EIF4ENIF1: variants seen among roughly 807,000 people sequenced by gnomAD.
EIF4ENIF1 encodes the protein eukaryotic translation initiation factor 4E nuclear import factor 1, also known as eukaryotic translation initiation factor 4E transporter.
Under a neutral mutation model 110.5 loss-of-function variants are expected in EIF4ENIF1, and 23 were observed. That is an observed-to-expected ratio of 0.21 (90% CI 0.15 to 0.29). EIF4ENIF1 has a LOEUF of 0.29. Among genes scored for constraint, EIF4ENIF1 ranks in the 10% least tolerant of loss-of-function variants. The pLI, the probability that EIF4ENIF1 is intolerant of heterozygous loss-of-function variation, is 1.00. For synonymous variants in EIF4ENIF1, 440 were observed against 437.0 expected, an observed-to-expected ratio of 1.01 and a Z score of -0.09; for missense variants, 1,031 against 1,221.1, an observed-to-expected ratio of 0.84 and a Z score of 2.32.
rs113865442 is a variant in EIF4ENIF1 at position 31,448,927 on chromosome 22, T to TA, written c.1768+420dup. ...GAGCTAGATCAAAGTTAGATTTCAA[T>TA]AAAAAAAAAATCTATAACATGAACA... On this transcript the variant is annotated intron_variant, in intron 12 of 18. Coordinates refer to ENST00000330125, the MANE Select transcript of EIF4ENIF1 (RefSeq NM_019843.4). Among the ~76,000 whole-genome samples the TA allele has an allele frequency of 1.3e-3, 202 of 149,958 alleles. 1 individual carries two copies. The highest frequency in any genetic ancestry group is 4.1e-3 in the African/African-American group (168 of 40,976).
intron 12 of EIF4ENIF1, 70 bp from the exon 13 acceptor site, chr22:31,448,302 G>C (rs2050540438): frequency 6.8e-7 from 1 of 1,460,336 alleles, no homozygotes; most frequent in East Asian, 2.3e-5. Flanking sequence ...TTTCATTAAT[G>C]CATGACATTT....
At chr22:31,467,397 T>C (rs1287255469) in intron 4 of EIF4ENIF1, among the ~76,000 whole-genome samples, 2 of 152,156 alleles carry the variant, frequency 1.3e-5, no homozygotes, top group African/African-American at 4.8e-5. Context: ...TATTACCTGG[T>C]CTCCATTTCA....
chr22:31,456,364 C>G (rs939842953), intron 7 of EIF4ENIF1, among the ~76,000 whole-genome samples: 1 of 151,812 alleles, frequency 6.6e-6, no homozygotes, highest in South Asian at 2.1e-4. Context: ...GCTGGGACTA[C>G]AGGCGCCTGC....
At chr22:31,459,959 C>CA (rs1223679819) in intron 6 of EIF4ENIF1, among the ~76,000 whole-genome samples, 2 of 152,130 alleles carry the variant, frequency 1.3e-5, no homozygotes, top group African/African-American at 4.8e-5. Context: ...GCACTTGATA[C>CA]AAGAATGGTT....
chr22:31,492,786 C>T (rs1316651032), upstream of EIF4ENIF1, among the ~76,000 whole-genome samples: 1 of 152,168 alleles, frequency 6.6e-6, no homozygotes, highest in Non-Finnish European at 1.5e-5. Flanking sequence ...GGCTGGAGTG[C>T]AATGGTGTGA....
chr22:31,461,474 C>CT (rs1483911725), intron 6 of EIF4ENIF1, among the ~76,000 whole-genome samples: 1 of 152,170 alleles, frequency 6.6e-6, no homozygotes, highest in Non-Finnish European at 1.5e-5. Context: ...AGTCTCAACT[C>CT]TGTCTCCCAG....
In EIF4ENIF1 at chr22:31,448,162, G is replaced by A; in HGVS notation, c.1839C>T (p.Ile613=). The part of the protein sequence containing the change: ...FQGMRKPMSP[I]TAQMSQLELQ... The stretch of plus-strand genomic sequence containing the variant: ...GAAAGCTCAGCCTGACCTGGGCTGT[G>A]ATGGGGCTCATGGGTTTGCGCATGC... The change falls in exon 13 of 19, where the codon ATC becomes ATT. Residue 613 remains isoleucine, a synonymous_variant. Coordinates refer to ENST00000330125, the MANE Select transcript of EIF4ENIF1 (RefSeq NM_019843.4). The A allele has an allele frequency of 6.2e-7, 1 of 1,614,208 alleles. No homozygotes were observed. Among genetic ancestry groups the A allele is most frequent in the Non-Finnish European group, 8.5e-7 (1 of 1,180,016 alleles).
At chr22:31,476,364 A>G (rs973836394) in intron 2 of EIF4ENIF1, among the ~76,000 whole-genome samples, 1 of 152,232 alleles carries the variant, frequency 6.6e-6, no homozygotes, top group Non-Finnish European at 1.5e-5. Flanking sequence ...GCTGAACTCT[A>G]TAATGATTTT....
intron 10 of EIF4ENIF1, among the ~76,000 whole-genome samples, chr22:31,452,433 T>G (rs1470657330): frequency 6.6e-6 from 1 of 152,216 alleles, no homozygotes; most frequent in East Asian, 1.9e-4. Flanking sequence ...TTTGCTCAGC[T>G]AAAACCAGAT....
Position 31,488,734 on chromosome 22 carries a change from A to G in EIF4ENIF1, c.-16T>C, listed in dbSNP as rs748221360. 4.3e-6 allele frequency: 7 copies of G among 1,613,058 alleles called. No homozygotes were observed. In the Admixed American group the frequency reaches 1.2e-4, roughly 27 times the overall value. On this transcript the variant is annotated 5_prime_UTR_variant, in exon 2 of 19. Coordinates refer to ENST00000330125, the MANE Select transcript of EIF4ENIF1 (RefSeq NM_019843.4). ...TCCTATCCATGGCTCCTTGGTCTAC[A>G]ATGCTCTGCACCTGGAAGATAAATC...
chr22:31,475,083 G>A (rs1340515466), intron 2 of EIF4ENIF1, among the ~76,000 whole-genome samples: 2 of 152,174 alleles, frequency 1.3e-5, no homozygotes, highest in Non-Finnish European at 2.9e-5. Context: ...ACAAGATGCC[G>A]CCTTAGGACT....
At position 31,454,320 on chromosome 22, in the gene EIF4ENIF1, T is replaced by G. The variant is rs759058432; in HGVS notation, c.1336A>C (p.Lys446Gln). ...GAATTCTTCACTTGCTGGTCAACCT[T>G]CAAGCCCTTCAGACCTGCTTCTACC... ...EEVEAGLKGL[K>Q]VDQQVKNSTP... is the part of the protein sequence containing the mutation. The change falls in exon 10 of 19, where the codon AAG becomes CAG. Residue 446 changes from lysine to glutamine, a missense_variant. Coordinates refer to ENST00000330125, the MANE Select transcript of EIF4ENIF1 (RefSeq NM_019843.4). 1 of 1,614,188 alleles carries G rather than the reference T, an allele frequency of 6.2e-7. No individual in the cohort carries two copies. Among genetic ancestry groups the G allele is most frequent in the African/African-American group, 1.3e-5 (1 of 75,050 alleles).
intron 7 of EIF4ENIF1, among the ~76,000 whole-genome samples, chr22:31,456,735 G>A (rs998905295): frequency 2.0e-5 from 3 of 151,158 alleles, no homozygotes; most frequent in African/African-American, 7.3e-5. Flanking sequence ...GGCCAGGCTT[G>A]TCTCGAACTT....
chr22:31,441,571 AAAG>A (rs541133312), intron 17 of EIF4ENIF1, among the ~76,000 whole-genome samples, 200 bp downstream of exon 17: 2,952 of 149,964 alleles, frequency 0.02, 105 homozygotes, highest in African/African-American at 0.068. Context: ...AAAAAAAAAA[AAAG>A]AATCTTCAAG....
chr22:31,467,088 T>C (rs2051214559), intron 4 of EIF4ENIF1, among the ~76,000 whole-genome samples: 1 of 152,222 alleles, frequency 6.6e-6, no homozygotes, highest in Non-Finnish European at 1.5e-5. Flanking sequence ...GACAATGCAA[T>C]GTAACATTCC....
chr22:31,438,280 A>C (rs1395082815), downstream of EIF4ENIF1, among the ~76,000 whole-genome samples: 1 of 152,204 alleles, frequency 6.6e-6, no homozygotes, highest in Admixed American at 6.5e-5. Flanking sequence ...TCCAGTTAGG[A>C]AAGGGGACTC....
chr22:31,483,870 T>A (rs1209180594), intron 2 of EIF4ENIF1, among the ~76,000 whole-genome samples: 1 of 152,196 alleles, frequency 6.6e-6, no homozygotes. Context: ...CCAGCATTTA[T>A]AACTTAGGGG....
At chr22:31,471,338 G>A (rs1358941931) in intron 3 of EIF4ENIF1, among the ~76,000 whole-genome samples, 1 of 148,396 alleles carries the variant, frequency 6.7e-6, no homozygotes, top group South Asian at 2.2e-4. Context: ...TTTTTGAGAC[G>A]GAATCTCGCA....
intron 10 of EIF4ENIF1, chr22:31,450,787 T>C (rs1255008839): frequency 1.4e-5 from 3 of 214,430 alleles, no homozygotes; most frequent in Admixed American, 5.5e-5. Context: ...TACACACACA[T>C]ATACACATAT....
Sources: allele counts gnomAD v4.1 joint callset (sites outside exome capture counted in the v4.1 genomes callset), GRCh38; gene constraint gnomAD v4.1.1; transcripts MANE v1.5; gene names NCBI Gene and HGNC (gene_info 2026-07-23, HGNC 2026-07-21).